Variants in MIPEP observed in about 807,000 individuals in gnomAD.
MIPEP encodes the protein mitochondrial intermediate peptidase.
MIPEP carries 79 observed loss-of-function variants against 90.3 expected under a neutral mutation model. That is an observed-to-expected ratio of 0.87 (90% CI 0.73 to 1.05). The LOEUF is 1.05. MIPEP is among the 50% of genes least tolerant of loss of function. The pLI, the probability that MIPEP is intolerant of heterozygous loss-of-function variation, is 0.00. For missense variants in MIPEP, 940 were observed against 905.6 expected (o/e 1.04, Z -0.49); for synonymous variants, 334 against 315.8 (o/e 1.06, Z -0.61).
At chr13:23,797,723 A>ATTGT (rs1952978586) in intron 16 of MIPEP, among the ~76,000 whole-genome samples, 1 of 152,208 alleles carries the variant, frequency 6.6e-6, no homozygotes, top group Non-Finnish European at 1.5e-5. Context: ...AAAACACAAA[A>ATTGT]GGTACCTTTT....
chr13:23,884,957 C>A (rs1871413944), intron 2 of MIPEP, among the ~76,000 whole-genome samples: 1 of 152,164 alleles, frequency 6.6e-6, no homozygotes, highest in Admixed American at 6.5e-5. Flanking sequence ...TGATAGGAAA[C>A]CCTGCTTCCT....
intron 2 of MIPEP, among the ~76,000 whole-genome samples, chr13:23,883,588 C>A (rs1399789040): frequency 6.6e-6 from 1 of 152,096 alleles, no homozygotes; most frequent in Non-Finnish European, 1.5e-5. Context: ...TGAATGTAAA[C>A]AATATGTAAA....
chr13:23,730,415 T>A lies in MIPEP; in HGVS notation c.2075A>T (p.Asp692Val), dbSNP rs767182251. The A allele has an allele frequency of 1.2e-6, 2 of 1,612,428 alleles. No individual in the cohort carries two copies. The highest frequency in any genetic ancestry group is 1.3e-5 in the African/African-American group (1 of 74,846). Reference protein sequence around the residue: ...GMLQKCPSVDDFVSALVSDLD... With the variant: ...GMLQKCPSVDVFVSALVSDLD... ...GTCGGAAACGAGGGCACTTACGAAG[T>A]CATCAACAGAAGGACACTTCTGAAG... Residue 692 changes from aspartate (D) to valine (V), a missense_variant, in exon 19 of 19, where the codon GAC (aspartate) becomes GTC (valine). Coordinates refer to ENST00000382172, the MANE Select transcript of MIPEP (RefSeq NM_005932.4).
chr13:23,782,652 T>C (rs1015585951), intron 16 of MIPEP, among the ~76,000 whole-genome samples: 17 of 152,042 alleles, frequency 1.1e-4, no homozygotes, highest in Non-Finnish European at 2.1e-4. Context: ...CTTCAAAAAA[T>C]CAATGAATCC....
intron 18 of MIPEP, among the ~76,000 whole-genome samples, chr13:23,747,162 A>T (rs537620412): frequency 1.3e-5 from 2 of 152,262 alleles, no homozygotes; most frequent in South Asian, 2.1e-4. Flanking sequence ...GGAAGTGGAG[A>T]TGACACGACC....
At chr13:23,756,190 T>C (rs1484856212) in intron 18 of MIPEP, among the ~76,000 whole-genome samples, 2 of 152,274 alleles carry the variant, frequency 1.3e-5, no homozygotes, top group East Asian at 1.9e-4. Context: ...GTTTTGCTCA[T>C]GTTGCCCAGG....
intron 16 of MIPEP, among the ~76,000 whole-genome samples, chr13:23,798,097 C>T (rs913693016): frequency 4.6e-5 from 7 of 152,176 alleles, no homozygotes; most frequent in African/African-American, 7.2e-5. Flanking sequence ...ATAACACATA[C>T]ATATACATTA....
chr13:23,768,362 G>T (rs777566604), intron 16 of MIPEP, among the ~76,000 whole-genome samples: 8 of 152,168 alleles, frequency 5.3e-5, no homozygotes, highest in Non-Finnish European at 7.3e-5. Flanking sequence ...ACACACCACA[G>T]AGCTATTTTT....
chr13:23,734,998 C>T (rs1392691910), intron 18 of MIPEP, among the ~76,000 whole-genome samples: 3 of 152,186 alleles, frequency 2.0e-5, no homozygotes, highest in South Asian at 4.1e-4. Context: ...CCAAACATGG[C>T]GATTCCTGTG....
chr13:23,826,963 C>T (rs1868482290), intron 14 of MIPEP, among the ~76,000 whole-genome samples: 1 of 152,124 alleles, frequency 6.6e-6, no homozygotes, highest in South Asian at 2.1e-4. Context: ...TGTCATTATT[C>T]CCTAAACAAT....
intron 16 of MIPEP, among the ~76,000 whole-genome samples, chr13:23,803,329 C>T (rs1953068840): frequency 6.6e-6 from 1 of 152,106 alleles, no homozygotes; most frequent in South Asian, 2.1e-4. Flanking sequence ...CGCCACTGCA[C>T]TCCAGACTAG....
intron 18 of MIPEP, among the ~76,000 whole-genome samples, chr13:23,731,968 A>ATT (rs57109674): frequency 0.018 from 1,754 of 97,838 alleles, 60 homozygotes; most frequent in Non-Finnish European, 0.023. Flanking sequence ...AGAATAGCTA[A>ATT]TTTTTTTTTT....
intron 18 of MIPEP, among the ~76,000 whole-genome samples, chr13:23,732,909 T>A (rs1413039482): frequency 6.6e-6 from 1 of 152,218 alleles, no homozygotes; most frequent in African/African-American, 2.4e-5. Context: ...TTTCACTGTA[T>A]GAAAAGTTTA....
chr13:23,756,030 A>G (rs936574031), intron 18 of MIPEP, among the ~76,000 whole-genome samples: 1 of 152,226 alleles, frequency 6.6e-6, no homozygotes, highest in Admixed American at 6.5e-5. Flanking sequence ...TTTGAAAGCT[A>G]AAACCTGAAT....
chr13:23,754,386 A>G (rs781675773), intron 18 of MIPEP, among the ~76,000 whole-genome samples: 1 of 152,240 alleles, frequency 6.6e-6, no homozygotes, highest in African/African-American at 2.4e-5. Flanking sequence ...ATCTGACAGA[A>G]CAGCATTAAG....
chr13:23,773,442 T>C (rs182419016), intron 16 of MIPEP, among the ~76,000 whole-genome samples: 1 of 152,310 alleles, frequency 6.6e-6, no homozygotes, highest in Admixed American at 6.5e-5. Flanking sequence ...TGGGTGGGCA[T>C]ATGTTTTCAG....
At chr13:23,840,053 A>G (rs2137461093) in intron 11 of MIPEP, among the ~76,000 whole-genome samples, 1 of 152,280 alleles carries the variant, frequency 6.6e-6, no homozygotes, top group African/African-American at 2.4e-5. Flanking sequence ...CAATTTTAGG[A>G]GCAAATTATT....
chr13:23,822,357 A>G (rs1424850630), intron 14 of MIPEP, among the ~76,000 whole-genome samples: 1 of 152,206 alleles, frequency 6.6e-6, no homozygotes, highest in Non-Finnish European at 1.5e-5. Flanking sequence ...CTAATATGCT[A>G]AAGTTGCCTA....
chr13:23,792,553 A>G (rs1952908531), intron 16 of MIPEP, among the ~76,000 whole-genome samples: 1 of 152,060 alleles, frequency 6.6e-6, no homozygotes, highest in African/African-American at 2.4e-5. Context: ...ATAATTTTTT[A>G]GTCTACATTG....
Sources: gnomAD v4.1 joint callset for allele counts (sites outside exome capture counted in the v4.1 genomes callset) on GRCh38, gnomAD v4.1.1 for gene constraint, MANE v1.5 for transcripts, NCBI Gene and HGNC (gene_info 2026-07-23, HGNC 2026-07-21) for gene names.